Variants in VAMP7 observed in about 807,000 individuals in gnomAD.
VAMP7 encodes the protein vesicle associated membrane protein 7.
In VAMP7, 14 loss-of-function variants were observed where a neutral mutation model predicts 29.6. That is an observed-to-expected ratio of 0.47 (90% confidence interval 0.31 to 0.74). The LOEUF is 0.74. VAMP7 is among the 30% of genes least tolerant of loss of function. VAMP7 has a pLI of 0.05. For missense variants in VAMP7, 223 were observed against 262.4 expected, an observed-to-expected ratio of 0.85 and a Z score of 1.04; for synonymous variants, 95 against 88.1, an observed-to-expected ratio of 1.08 and a Z score of -0.44.
At chrX:155,935,479 C>T (rs748009846) in intron 6 of VAMP7, among the ~76,000 whole-genome samples, 1 of 152,240 alleles carries the variant, frequency 6.6e-6, no homozygotes, top group South Asian at 2.1e-4. Context: ...CCCTTTCTTC[C>T]AGTTGTTCGA....
In VAMP7 at chrX:155,942,121, T is replaced by G. The variant is rs777471575; in HGVS notation, c.*170T>G. 24 of 1,552,138 alleles carry G rather than the reference T, an allele frequency of 1.5e-5. No individual in the cohort carries two copies. Among genetic ancestry groups the G allele is most frequent in the Non-Finnish European group, 1.7e-6 (2 of 1,147,116 alleles). ...CCTCCAGGTTTATCTTTGTCTTATC[T>G]ACCAGTTTATTCCTGTGAACTTCAG... On this transcript the variant is annotated 3_prime_UTR_variant, in exon 8 of 8. Coordinates refer to ENST00000286448, the MANE Select transcript of VAMP7 (RefSeq NM_005638.6).
intron 5 of VAMP7, among the ~76,000 whole-genome samples, chrX:155,906,198 A>G (rs2066143960): frequency 6.6e-6 from 1 of 152,168 alleles, no homozygotes; most frequent in Non-Finnish European, 1.5e-5. Context: ...TGCCTAAGGA[A>G]GTCTTAGCAA....
intron 6 of VAMP7, among the ~76,000 whole-genome samples, chrX:155,922,151 T>G (rs2066405400): frequency 6.6e-6 from 1 of 152,046 alleles, no homozygotes; most frequent in Non-Finnish European, 1.5e-5. Context: ...TTGACCTTGT[T>G]TGTATTCTGC....
chrX:155,907,425 CCA>C (rs1308448401), intron 5 of VAMP7, among the ~76,000 whole-genome samples: 3 of 151,960 alleles, frequency 2.0e-5, no homozygotes, highest in Non-Finnish European at 4.4e-5. Flanking sequence ...CTGCGGCCTT[CCA>C]CAGTGTTTGT....
At chrX:155,935,051 A>G (rs1225759608) in intron 6 of VAMP7, among the ~76,000 whole-genome samples, 2 of 152,180 alleles carry the variant, frequency 1.3e-5, no homozygotes, top group East Asian at 1.9e-4. Context: ...TGGCTTGTAG[A>G]GTTTCTGCCG....
chrX:155,921,735 A>G (rs1407069107), intron 6 of VAMP7, among the ~76,000 whole-genome samples: 1 of 152,086 alleles, frequency 6.6e-6, no homozygotes, highest in Non-Finnish European at 1.5e-5. Context: ...CTTGAAATTA[A>G]GTAGTGTAAG....
At chrX:155,930,659 A>C (rs2066536434) in intron 6 of VAMP7, among the ~76,000 whole-genome samples, 1 of 150,252 alleles carries the variant, frequency 6.7e-6, no homozygotes, top group African/African-American at 2.5e-5. Context: ...CTCAAAAAAA[A>C]AAAAATTTTT....
At chrX:155,889,695 A>G in intron 2 of VAMP7, 83 bp downstream of exon 2, 1 of 1,467,326 alleles carries the variant, frequency 6.8e-7, no homozygotes. Flanking sequence ...GTAGAAAACA[A>G]GCTTCTAGGT....
At chrX:155,893,402 T>G (rs986395810) in intron 2 of VAMP7, among the ~76,000 whole-genome samples, 1 of 149,616 alleles carries the variant, frequency 6.7e-6, no homozygotes, top group Non-Finnish European at 1.5e-5. Flanking sequence ...CTCCAGGGAG[T>G]AAGTAAGTGT....
chrX:155,907,447 T>A (rs2066162718), intron 5 of VAMP7, among the ~76,000 whole-genome samples: 1 of 151,716 alleles, frequency 6.6e-6, no homozygotes, highest in Admixed American at 6.6e-5. Flanking sequence ...TGTCCCTGGG[T>A]ACTTGAGATT....
chrX:155,898,037 T>G (rs1412294589), intron 3 of VAMP7, 75 bp from the exon 4 acceptor site: 1 of 1,546,056 alleles, frequency 6.5e-7, no homozygotes. Flanking sequence ...TAGCTGTTTT[T>G]TATTGTTGTT....
chrX:155,939,092 A>T (rs2376576), intron 6 of VAMP7, among the ~76,000 whole-genome samples: 152,227 of 152,232 alleles, frequency 1, 76,111 homozygotes, highest in Middle Eastern at 1. Flanking sequence ...CATCTGTGGG[A>T]CCATACCAGA....
chrX:155,908,219 G>A (rs780879234), intron 5 of VAMP7, among the ~76,000 whole-genome samples: 432 of 152,344 alleles, frequency 2.8e-3, no homozygotes, highest in African/African-American at 1.0e-2. Flanking sequence ...GCTGGGAGGT[G>A]GAGGTTGCAG....
At chrX:155,931,876 A>AT (rs751569397) in intron 6 of VAMP7, among the ~76,000 whole-genome samples, 39 of 152,260 alleles carry the variant, frequency 2.6e-4, no homozygotes, top group African/African-American at 9.4e-4. Context: ...TCTTGAATTA[A>AT]TTTTAGTATA....
Position 155,919,861 on chromosome X carries a change from C to G in VAMP7, c.482C>G (p.Thr161Arg). 6.2e-7 allele frequency: 1 copy of G among 1,612,996 alleles called. No individual in the cohort carries two copies. The highest frequency in any genetic ancestry group is 8.5e-7 in the Non-Finnish European group (1 of 1,179,410). Residue 161 changes from threonine (T) to arginine (R), a missense_variant, in exon 6 of 8, where the codon ACA (threonine) becomes AGA (arginine). Thr to Arg is a moderately conservative substitution (Grantham distance 71). Coordinates refer to ENST00000286448, the MANE Select transcript of VAMP7 (RefSeq NM_005638.6). ...GERLELLIDK[T>R]ENLVDSSVTF... ...AGATTGGAATTATTGATTGACAAAA[C>G]AGAAAATCTTGTGGATTCTGTAAGT...
intron 2 of VAMP7, among the ~76,000 whole-genome samples, chrX:155,891,818 T>C (rs1264737971): frequency 7.2e-5 from 11 of 152,332 alleles, no homozygotes; most frequent in African/African-American, 2.6e-4. Flanking sequence ...ATTGTACCCA[T>C]TTTGTAGTCC....
chrX:155,895,663 C>G lies in VAMP7; in HGVS notation c.187C>G (p.Leu63Val), dbSNP rs1270722806. Residue 63 changes from leucine to valine, a missense_variant, in exon 3 of 8, where the codon CTT (leucine) becomes GTT (valine). Physicochemically the swap from Leu to Val is conservative, Grantham distance 32. Coordinates refer to ENST00000286448, the MANE Select transcript of VAMP7 (RefSeq NM_005638.6). ...HYICQDRIVY[L>V]CITDDDFERS... is the part of the protein sequence containing the mutation. Reference sequence around the variant, plus strand: ...CATCTGCCAAGACAGGATTGTATATCTTTGTATCACTGATGATGTAAGTAA... The same window carrying G: ...CATCTGCCAAGACAGGATTGTATATGTTTGTATCACTGATGATGTAAGTAA... 6.2e-7 allele frequency: 1 copy of G among 1,609,590 alleles called. No individual in the cohort carries two copies. The highest frequency in any genetic ancestry group is 8.5e-7 in the Non-Finnish European group (1 of 1,176,258).
intron 2 of VAMP7, among the ~76,000 whole-genome samples, chrX:155,891,309 T>A (rs2065923049): frequency 6.6e-6 from 1 of 152,146 alleles, no homozygotes; most frequent in Non-Finnish European, 1.5e-5. Flanking sequence ...GATATTTCAG[T>A]GAACCTTTCT....
At chrX:155,888,182 G>A (rs1226672405) in intron 1 of VAMP7, among the ~76,000 whole-genome samples, 1 of 152,156 alleles carries the variant, frequency 6.6e-6, no homozygotes, top group African/African-American at 2.4e-5. Flanking sequence ...AGCACCTTCT[G>A]CTCTGTGTGC....
Sources: gnomAD v4.1 joint callset for allele counts (sites outside exome capture counted in the v4.1 genomes callset) on GRCh38, gnomAD v4.1.1 for gene constraint, MANE v1.5 for transcripts, NCBI Gene and HGNC (gene_info 2026-07-23, HGNC 2026-07-21) for gene names.